Variants in FGF1 observed in about 807,000 individuals in gnomAD.
FGF1 encodes the protein beta-endothelial cell growth factor.
Under a neutral mutation model 13.4 loss-of-function variants are expected in FGF1, and 9 were observed. The ratio of observed to expected loss-of-function variants is 0.67; its 90% CI spans 0.40 to 1.17. The LOEUF is 1.17. Among genes scored for constraint, FGF1 ranks in the 50% most tolerant of loss-of-function variants. The pLI, the probability that FGF1 is intolerant of heterozygous loss-of-function variation, is 0.01. For synonymous variants in FGF1, 93 were observed against 79.0 expected (o/e 1.18, Z -0.94); for missense variants, 156 against 192.7 (o/e 0.81, Z 1.13).
At chr5:142,660,523 C>G (rs1415211910) in intron 1 of FGF1, among the ~76,000 whole-genome samples, 3 of 152,200 alleles carry the variant, frequency 2.0e-5, no homozygotes, top group African/African-American at 7.2e-5. Flanking sequence ...CCCACAATGG[C>G]CTCTGGCTCT....
intron 1 of FGF1, among the ~76,000 whole-genome samples, chr5:142,618,765 A>G (rs920809911): frequency 6.6e-6 from 1 of 152,030 alleles, no homozygotes; most frequent in African/African-American, 2.4e-5. Context: ...AACAGTTAAT[A>G]TAGTGACAGT....
At chr5:142,696,719 G>T (rs936777740) in intron 2 of FGF1, among the ~76,000 whole-genome samples, 5 of 152,204 alleles carry the variant, frequency 3.3e-5, no homozygotes, top group South Asian at 2.1e-4. Flanking sequence ...TCAGGCACAT[G>T]AGTTAATAAA....
intron 1 of FGF1, among the ~76,000 whole-genome samples, chr5:142,682,729 G>T (rs1773948631): frequency 6.6e-6 from 1 of 152,202 alleles, no homozygotes; most frequent in Non-Finnish European, 1.5e-5. Context: ...TAAGCAGTTA[G>T]CATTGGCACC....
At chr5:142,637,274 G>A (rs1764419634) in intron 1 of FGF1, among the ~76,000 whole-genome samples, 1 of 151,680 alleles carries the variant, frequency 6.6e-6, no homozygotes, top group Non-Finnish European at 1.5e-5. Flanking sequence ...GAATGTGGAG[G>A]TCATTGACCT....
chr5:142,641,775 C>T (rs538753045), intron 1 of FGF1, among the ~76,000 whole-genome samples: 3 of 150,922 alleles, frequency 2.0e-5, no homozygotes, highest in Non-Finnish European at 2.9e-5. Flanking sequence ...TTTAGGCATC[C>T]GAATAATTAT....
intron 2 of FGF1, among the ~76,000 whole-genome samples, chr5:142,695,743 G>T (rs1489233618): frequency 6.6e-6 from 1 of 152,072 alleles, no homozygotes; most frequent in Non-Finnish European, 1.5e-5. Flanking sequence ...CACAGAGAGG[G>T]CTTGGGAATG....
chr5:142,685,205 C>T (rs1774447243), intron 1 of FGF1, among the ~76,000 whole-genome samples: 1 of 152,108 alleles, frequency 6.6e-6, no homozygotes. Flanking sequence ...CATTCTGACT[C>T]CTTCTTTCCT....
At chr5:142,652,621 C>T (rs1767455640) in intron 1 of FGF1, among the ~76,000 whole-genome samples, 1 of 152,240 alleles carries the variant, frequency 6.6e-6, no homozygotes, top group African/African-American at 2.4e-5. Context: ...CCCACATTGC[C>T]TGTGCCCACC....
intron 1 of FGF1, among the ~76,000 whole-genome samples, chr5:142,667,444 G>A (rs1770608058): frequency 6.6e-6 from 1 of 150,990 alleles, no homozygotes; most frequent in Non-Finnish European, 1.5e-5. Flanking sequence ...AAATTAGCTG[G>A]GCGCGGTGGC....
chr5:142,605,723 T>C (rs1465478351), intron 2 of FGF1, among the ~76,000 whole-genome samples: 1 of 152,244 alleles, frequency 6.6e-6, no homozygotes, highest in East Asian at 1.9e-4. Flanking sequence ...TAGCTCATTT[T>C]CACTAGATTT....
chr5:142,614,536 G>T (rs980529736), intron 1 of FGF1, among the ~76,000 whole-genome samples: 1 of 152,106 alleles, frequency 6.6e-6, no homozygotes, highest in Non-Finnish European at 1.5e-5. Flanking sequence ...AACACCTAGG[G>T]TCTGGCTGAA....
At chr5:142,689,694 G>GTTTTTTT, upstream of FGF1, among the ~76,000 whole-genome samples, 1 of 115,510 alleles carries the variant, frequency 8.7e-6, no homozygotes, top group Non-Finnish European at 1.7e-5. Flanking sequence ...CTCGATCCTA[G>GTTTTTTT]TTTTTTTTTT....
intron 2 of FGF1, among the ~76,000 whole-genome samples, chr5:142,696,963 C>T (rs1753204354): frequency 6.6e-6 from 1 of 152,200 alleles, no homozygotes; most frequent in African/African-American, 2.4e-5. Flanking sequence ...GGTACATGTT[C>T]TATGAGGAGG....
chr5:142,666,283 C>T (rs554167575), intron 1 of FGF1, among the ~76,000 whole-genome samples: 13,644 of 122,418 alleles, frequency 0.11, 1,083 homozygotes, highest in Non-Finnish European at 0.17. Flanking sequence ...ATGTAATACA[C>T]ACACACACAC....
intron 1 of FGF1, among the ~76,000 whole-genome samples, chr5:142,668,836 T>C (rs1413854560): frequency 6.6e-6 from 1 of 152,204 alleles, no homozygotes; most frequent in Non-Finnish European, 1.5e-5. Context: ...AGCTAAGTCA[T>C]AAATACCATG....
At chr5:142,605,661 G>T (rs959263968) in intron 2 of FGF1, among the ~76,000 whole-genome samples, 1 of 152,110 alleles carries the variant, frequency 6.6e-6, no homozygotes, top group Non-Finnish European at 1.5e-5. Context: ...GTGAGAGTTC[G>T]TCTCAAAAGT....
At chr5:142,661,737 C>A (rs147095686) in intron 1 of FGF1, among the ~76,000 whole-genome samples, 1 of 152,156 alleles carries the variant, frequency 6.6e-6, no homozygotes, top group Non-Finnish European at 1.5e-5. Context: ...TGGCCGGGCG[C>A]GGTGGCTCAC....
intron 1 of FGF1, among the ~76,000 whole-genome samples, chr5:142,679,547 T>G (rs1773327387): frequency 6.6e-6 from 1 of 152,230 alleles, no homozygotes; most frequent in African/African-American, 2.4e-5. Context: ...GTGTCTCACA[T>G]GCCCTCTGGC....
chr5:142,659,657 G>C (rs73284569), intron 1 of FGF1, among the ~76,000 whole-genome samples: 8,867 of 152,210 alleles, frequency 0.058, 855 homozygotes, highest in African/African-American at 0.2. Flanking sequence ...AACCACTCAG[G>C]CTTCATAGCT....
Sources: gnomAD v4.1 joint callset for allele counts (sites outside exome capture counted in the v4.1 genomes callset) on GRCh38, gnomAD v4.1.1 for gene constraint, MANE v1.5 for transcripts, NCBI Gene and HGNC (gene_info 2026-07-23, HGNC 2026-07-21) for gene names.